The following SULF1 variants were observed in gnomAD, a reference collection of about 807,000 sequenced individuals.
The protein encoded by SULF1 is extracellular sulfatase Sulf-1.
In SULF1, 46 loss-of-function variants were observed where a neutral mutation model predicts 110.5. The ratio of observed to expected loss-of-function variants is 0.42; its 90% CI spans 0.33 to 0.53. SULF1 has a LOEUF of 0.53. SULF1 is among the 20% of genes least tolerant of loss of function. SULF1 has a pLI of 0.12. For missense variants in SULF1, 941 were observed against 1,094.2 expected (o/e 0.86, Z 1.98); for synonymous variants, 371 against 387.1 (o/e 0.96, Z 0.49).
chr8:69,497,534 T>G (rs1810452195), intron 2 of SULF1, among the ~76,000 whole-genome samples: 1 of 152,176 alleles, frequency 6.6e-6, no homozygotes, highest in Non-Finnish European at 1.5e-5. Context: ...AAATGAACAT[T>G]TACCTTACAC....
chr8:69,627,185 C>T lies in SULF1; in HGVS notation c.1851-25C>T, dbSNP rs750282955. The T allele has an allele frequency of 1.2e-5, 18 of 1,548,942 alleles. No homozygotes were observed. The Admixed American group carries it at 2.9e-4, about 25-fold the overall frequency. On this transcript the variant is annotated intron_variant, in intron 15 of 22. Coordinates refer to ENST00000402687, the MANE Select transcript of SULF1 (RefSeq NM_001128205.2). ...CTGCTATTAGAATATAAACCTATTT[C>T]ACATGGTTTTGGTTTGTTTTGCAGG...
intron 13 of SULF1, among the ~76,000 whole-genome samples, chr8:69,613,167 G>A (rs1048743392): frequency 1.3e-5 from 2 of 152,068 alleles, no homozygotes; most frequent in Non-Finnish European, 2.9e-5. Flanking sequence ...TTGGTGGTAA[G>A]TATTTGGCTT....
chr8:69,624,725 A>G (rs1191930459), intron 15 of SULF1, among the ~76,000 whole-genome samples: 1 of 152,216 alleles, frequency 6.6e-6, no homozygotes, highest in African/African-American at 2.4e-5. Context: ...TGTAAGACAT[A>G]CAAACATCTA....
chr8:69,601,852 C>A (rs775599383), intron 10 of SULF1, 23 bp downstream of exon 10: 1 of 1,584,654 alleles, frequency 6.3e-7, no homozygotes, highest in South Asian at 1.2e-5. Flanking sequence ...CTGTTTGCAA[C>A]ATTCAACTGT....
chr8:69,537,583 GGGGA>G (rs1301579542), intron 3 of SULF1, among the ~76,000 whole-genome samples: 1 of 152,174 alleles, frequency 6.6e-6, no homozygotes, highest in African/African-American at 2.4e-5. Context: ...AATCATTCAA[GGGGA>G]TTCGTCCTCA....
At chr8:69,581,767 C>T (rs1040843398) in intron 6 of SULF1, among the ~76,000 whole-genome samples, 3 of 152,088 alleles carry the variant, frequency 2.0e-5, no homozygotes, top group African/African-American at 7.2e-5. Context: ...CAGAGCGCCG[C>T]CAGGAAACAT....
intron 7 of SULF1, 57 bp from the exon 8 acceptor site, chr8:69,588,915 C>T (rs2150771324): frequency 3.3e-6 from 5 of 1,533,802 alleles, no homozygotes; most frequent in Non-Finnish European, 4.5e-6. Flanking sequence ...TATTCAAATG[C>T]GATCTGATGA....
rs1334193264 is a variant in SULF1, at chr8:69,599,810, G to A, written c.735-793G>A. Among the ~76,000 whole-genome samples, 6 of 152,286 alleles carry A rather than the reference G, an allele frequency of 3.9e-5. No individual in the cohort carries two copies. The East Asian group carries it at 1.2e-3, about 29-fold the overall frequency. Reference sequence around the variant, plus strand: ...CATCTAATGGTTGAGGGAGTTGGGTGAGACATCAAGAGAAGGTGACATATT... The same window carrying A: ...CATCTAATGGTTGAGGGAGTTGGGTAAGACATCAAGAGAAGGTGACATATT... On this transcript the variant is annotated intron_variant, in intron 8 of 22. Coordinates refer to ENST00000402687, the MANE Select transcript of SULF1 (RefSeq NM_001128205.2).
chr8:69,596,856 A>G (rs1331491615), intron 8 of SULF1, among the ~76,000 whole-genome samples: 5 of 152,174 alleles, frequency 3.3e-5, no homozygotes, highest in Admixed American at 2.0e-4. Flanking sequence ...TGGGTATGAT[A>G]TGGTCCCAGA....
At chr8:69,500,736 G>A (rs984040918) in intron 2 of SULF1, among the ~76,000 whole-genome samples, 1 of 152,168 alleles carries the variant, frequency 6.6e-6, no homozygotes, top group African/African-American at 2.4e-5. Context: ...ACAGTGAAGC[G>A]AGTGATCTAG....
upstream of SULF1, among the ~76,000 whole-genome samples, chr8:69,492,280 G>A (rs553807017): frequency 2.5e-4 from 38 of 152,012 alleles, no homozygotes; most frequent in Admixed American, 2.0e-3. Context: ...TGGAAAGAGC[G>A]CTCTGGTTCC....
chr8:69,607,607 A>G (rs762360952), intron 13 of SULF1, among the ~76,000 whole-genome samples: 5 of 152,086 alleles, frequency 3.3e-5, no homozygotes, highest in Non-Finnish European at 5.9e-5. Flanking sequence ...CAAGTGATCC[A>G]CCCACCTTGA....
intron 13 of SULF1, 49 bp downstream of exon 13, chr8:69,604,981 C>T: frequency 6.3e-7 from 1 of 1,596,796 alleles, no homozygotes; most frequent in Non-Finnish European, 8.5e-7. Context: ...TTCTCCATCT[C>T]TAATTTAGAA....
At chr8:69,496,807 C>G (rs1457417426) in intron 2 of SULF1, among the ~76,000 whole-genome samples, 3 of 152,244 alleles carry the variant, frequency 2.0e-5, no homozygotes, top group Non-Finnish European at 4.4e-5. Flanking sequence ...TGCTTTGCCT[C>G]TGCAGTGTTT....
intron 1 of SULF1, among the ~76,000 whole-genome samples, chr8:69,486,869 T>C (rs1429952808): frequency 6.6e-6 from 1 of 152,220 alleles, no homozygotes; most frequent in African/African-American, 2.4e-5. Flanking sequence ...AGTATTTTCA[T>C]AAGGTATTAC....
At chr8:69,615,298 C>T (rs1281232508) in intron 13 of SULF1, among the ~76,000 whole-genome samples, 3 of 152,202 alleles carry the variant, frequency 2.0e-5, no homozygotes, top group Non-Finnish European at 2.9e-5. Context: ...CCTCTATAAA[C>T]TCTCTAAGAT....
At chr8:69,505,306 C>T (rs1811109320) in intron 3 of SULF1, among the ~76,000 whole-genome samples, 1 of 152,090 alleles carries the variant, frequency 6.6e-6, no homozygotes, top group African/African-American at 2.4e-5. Flanking sequence ...GCCTGGTTTT[C>T]AGCTTAAAAT....
intron 3 of SULF1, among the ~76,000 whole-genome samples, chr8:69,530,056 C>T (rs1193468003): frequency 6.6e-6 from 1 of 152,102 alleles, no homozygotes; most frequent in African/African-American, 2.4e-5. Context: ...AGGGCAAGAC[C>T]AACAGAGAGA....
At chr8:69,578,768 G>A (rs1395912822) in intron 6 of SULF1, among the ~76,000 whole-genome samples, 1 of 151,822 alleles carries the variant, frequency 6.6e-6, no homozygotes, top group Non-Finnish European at 1.5e-5. Context: ...TTTTCCCCAG[G>A]GTTTAGACAC....
Sources: allele counts gnomAD v4.1 joint callset (sites outside exome capture counted in the v4.1 genomes callset), GRCh38; gene constraint gnomAD v4.1.1; transcripts MANE v1.5; gene names NCBI Gene and HGNC (gene_info 2026-07-23, HGNC 2026-07-21).